NDUFB5: variants seen among roughly 807,000 people sequenced by gnomAD.
NDUFB5 encodes NADH dehydrogenase [ubiquinone] 1 beta subcomplex subunit 5, mitochondrial.
In NDUFB5, 19 loss-of-function variants were observed where a neutral mutation model predicts 19.4. That is an observed-to-expected ratio of 0.98 (90% CI 0.68 to 1.43). The LOEUF (loss-of-function observed/expected upper bound fraction) is 1.43, where lower values mean the gene tolerates loss of function less well. Among genes scored for constraint, NDUFB5 ranks in the 40% most tolerant of loss-of-function variants. The probability of loss-of-function intolerance (pLI) is 0.00; values close to 1 mark genes in which losing one functional copy is unlikely to be tolerated. For missense variants in NDUFB5, 233 were observed against 236.5 expected, an observed-to-expected ratio of 0.99 and a Z score of 0.10; for synonymous variants, 80 against 82.6, an observed-to-expected ratio of 0.97 and a Z score of 0.17.
intron 3 of NDUFB5, among the ~76,000 whole-genome samples, chr3:179,616,544 C>T (rs979470688): frequency 5.3e-5 from 8 of 151,508 alleles, no homozygotes; most frequent in African/African-American, 1.9e-4. Flanking sequence ...TCTGTCCCCC[C>T]CCCAAAAAAA....
Position 179,604,820 on chromosome 3 carries a change from C to A in NDUFB5, c.5C>A (p.Ala2Glu). The A allele has an allele frequency of 1.9e-6, 3 of 1,608,072 alleles. No homozygotes were observed. Among genetic ancestry groups the A allele is most frequent in the South Asian group, 1.1e-5 (1 of 90,430 alleles). Residue 2 changes from alanine (A) to glutamate (E), a missense_variant, in exon 1 of 6, where the codon GCG (alanine) becomes GAG (glutamate). Physicochemically the swap from Ala to Glu is moderately radical, Grantham distance 107. Transcript: ENST00000259037. M[A>E]AMSLLRRVSV... ...TTCCTCCTGCCCGTAGTAGCCATGG[C>A]GGCCATGAGTTTGTTGCGGCGGGTT...
chr3:179,616,061 C>G lies in NDUFB5; in HGVS notation c.280+12C>G. 1.2e-6 allele frequency: 2 copies of G among 1,606,960 alleles called. No individual in the cohort carries two copies. The highest frequency in any genetic ancestry group is 1.7e-6 in the Non-Finnish European group (2 of 1,176,022). ...GAATGTATTCATTGGTAAGTCACTTCCATCCCCTGCCAGCACCACCAGATT... is the reference window on the plus strand; with the variant it reads ...GAATGTATTCATTGGTAAGTCACTTGCATCCCCTGCCAGCACCACCAGATT... On this transcript the variant is annotated intron_variant, in intron 3 of 5. Coordinates refer to ENST00000259037, the MANE Select transcript of NDUFB5 (RefSeq NM_002492.4).
intron 1 of NDUFB5, chr3:179,607,672 T>G: frequency 1.5e-6 from 1 of 684,636 alleles, no homozygotes; most frequent in Non-Finnish European, 2.6e-6. Context: ...ACCATCACCA[T>G]CATCCAACTC....
chr3:179,618,427 A>T lies in NDUFB5; in HGVS notation c.355A>T (p.Arg119Ter), dbSNP rs1191659014. 1 of 1,606,128 alleles carries T rather than the reference A, an allele frequency of 6.2e-7. No individual in the cohort carries two copies. The highest frequency in any genetic ancestry group is 8.5e-7 in the Non-Finnish European group (1 of 1,176,660). ...TTTTCTCTTGTAGCATCCCATATCAAGATGGATTGCCCGTAATTTCTATGA... is the reference window on the plus strand; with the variant it reads ...TTTTCTCTTGTAGCATCCCATATCATGATGGATTGCCCGTAATTTCTATGA... ...HWEYYKHPIS[R>*]WIARNFYDSP... Residue 119 changes from arginine to a stop codon, truncating the protein, a stop_gained, in exon 5 of 6, where the codon AGA becomes TGA. Coordinates refer to ENST00000259037, the MANE Select transcript of NDUFB5 (RefSeq NM_002492.4). LOFTEE classifies it high-confidence loss of function.
In NDUFB5 at chr3:179,625,708, C is replaced by G. The variant is rs1236582361; in HGVS notation, c.*1668C>G. The G allele has an allele frequency of 1.3e-5, 2 of 152,070 alleles. No homozygotes were observed. The highest frequency in any genetic ancestry group is 2.9e-5 in the Non-Finnish European group (2 of 67,998). 9.4% of individuals were successfully genotyped at this position (152,070 alleles called of 1,614,324 possible). On this transcript the variant is annotated 3_prime_UTR_variant, in exon 6 of 6. Transcript: ENST00000259037. ...ACTTTTCTGAATTTCCTACTCTCCC[C>G]TTCCCTTCCCAGCCTTGTAACCACC... is the stretch of plus-strand genomic sequence containing the variant.
At chr3:179,608,420 C>T (rs1023562767) in intron 1 of NDUFB5, among the ~76,000 whole-genome samples, 5 of 151,850 alleles carry the variant, frequency 3.3e-5, no homozygotes, top group South Asian at 2.1e-4. Context: ...CTTGAACTCC[C>T]GGCCTCAGGT....
intron 4 of NDUFB5, among the ~76,000 whole-genome samples, chr3:179,617,825 C>T (rs1008295532): frequency 6.6e-5 from 10 of 152,136 alleles, no homozygotes; most frequent in Admixed American, 3.3e-4. Flanking sequence ...TATTTCAACC[C>T]GGGCAACTTT....
chr3:179,623,993 G>A lies in NDUFB5; in HGVS notation c.523G>A (p.Asp175Asn), dbSNP rs770960969. ...ACCCTGGTATTACTATGAGACAATT[G>A]ACAAGGAACTTATTGATCATTCTCC... ...DGPWYYYETI[D>N]KELIDHSPKA... The change falls in exon 6 of 6, where the codon GAC (aspartate) becomes AAC (asparagine). Residue 175 changes from aspartate (D) to asparagine (N), a missense_variant. By Grantham distance (23) the Asp-to-Asn change is conservative. Transcript: ENST00000259037. 2.5e-6 allele frequency: 4 copies of A among 1,613,930 alleles called. No individual in the cohort carries two copies. In the African/African-American group the frequency reaches 5.3e-5, roughly 22 times the overall value.
rs1399530866 is a variant in NDUFB5, at chr3:179,607,962, C to T, written c.124+3023C>T. The T allele has an allele frequency of 9.8e-6, 6 of 609,790 alleles. No individual in the cohort carries two copies. In the Admixed American group the frequency reaches 1.1e-4, roughly 12 times the overall value. 37.8% of individuals were successfully genotyped at this position (609,790 alleles called of 1,614,324 possible). A position where few individuals can be genotyped will look rare whatever the true frequency, so the allele number is the denominator to read the frequency against. On this transcript the variant is annotated intron_variant, in intron 1 of 5. Coordinates refer to ENST00000259037, the MANE Select transcript of NDUFB5 (RefSeq NM_002492.4). ...TATTTACCCCATTTTGCTTATCCATCATCTGTCAATTGGGTTGCATCTAGG... is the reference window on the plus strand; with the variant it reads ...TATTTACCCCATTTTGCTTATCCATTATCTGTCAATTGGGTTGCATCTAGG...
Position 179,617,096 on chromosome 3 carries a change from CTAGT to C in NDUFB5, c.342+55_342+58del, listed in dbSNP as rs572888497. ...TACTGTTACATGCCTTGTCAACGCA[CTAGT>C]TAATGTCTTAATTCAGCAATTATGA... is the stretch of plus-strand genomic sequence containing the variant. On this transcript the variant is annotated intron_variant, in intron 4 of 5. Coordinates refer to ENST00000259037, the MANE Select transcript of NDUFB5 (RefSeq NM_002492.4). 5.3e-4 allele frequency: 693 copies of C among 1,312,540 alleles called. 4 individuals carry two copies. In the South Asian group the frequency reaches 7.0e-3, roughly 13 times the overall value. The allele number at this position is 1,312,540 out of a possible 1,614,324, so 81.3% of individuals were successfully genotyped here. A position where few individuals can be genotyped will look rare whatever the true frequency, so the allele number is the denominator to read the frequency against.
At chr3:179,607,778 G>GCTGT (rs59238224) in intron 1 of NDUFB5, 66,803 of 701,896 alleles carry the variant, frequency 0.095, 3,682 homozygotes, top group South Asian at 0.17. Context: ...CCACCATTCT[G>GCTGT]CTGTCTTTAT....
At chr3:179,607,031 G>A (rs575339137) in intron 1 of NDUFB5, among the ~76,000 whole-genome samples, 1 of 152,158 alleles carries the variant, frequency 6.6e-6, no homozygotes, top group South Asian at 2.1e-4. Flanking sequence ...TACTCGCTCT[G>A]GTAGTATTCA....
At chr3:179,610,473 A>G (rs1719211967) in intron 1 of NDUFB5, among the ~76,000 whole-genome samples, 1 of 152,212 alleles carries the variant, frequency 6.6e-6, no homozygotes, top group Non-Finnish European at 1.5e-5. Flanking sequence ...CTTATCAGAT[A>G]TATGATTTAC....
chr3:179,606,193 G>C (rs138962907), intron 1 of NDUFB5, among the ~76,000 whole-genome samples: 8 of 152,142 alleles, frequency 5.3e-5, no homozygotes, highest in African/African-American at 7.2e-5. Flanking sequence ...GATATTCAGT[G>C]TACTTTATTA....
At chr3:179,622,301 C>CT in intron 5 of NDUFB5, among the ~76,000 whole-genome samples, 1 of 151,608 alleles carries the variant, frequency 6.6e-6, no homozygotes, top group Non-Finnish European at 1.5e-5. Flanking sequence ...CTGTTTTTGT[C>CT]TTTTGTTTTG....
intron 1 of NDUFB5, among the ~76,000 whole-genome samples, chr3:179,608,102 C>A (rs1165223047): frequency 6.6e-6 from 1 of 151,988 alleles, no homozygotes; most frequent in East Asian, 1.9e-4. Context: ...CCCGTGTTCT[C>A]ATATCAAACT....
chr3:179,605,320 A>G (rs1175194730), intron 1 of NDUFB5, among the ~76,000 whole-genome samples: 2 of 152,296 alleles, frequency 1.3e-5, no homozygotes, highest in Non-Finnish European at 1.5e-5. Flanking sequence ...AAGCCCACCT[A>G]TGCTAAGGAA....
chr3:179,612,527 G>C (rs1719271236), intron 1 of NDUFB5, among the ~76,000 whole-genome samples: 1 of 145,778 alleles, frequency 6.9e-6, no homozygotes, highest in Admixed American at 7.0e-5. Flanking sequence ...CCAGGTTGGA[G>C]TGCAGTGGCG....
intron 2 of NDUFB5, chr3:179,615,427 A>C (rs1032469902): frequency 3.8e-6 from 1 of 266,540 alleles, no homozygotes; most frequent in African/African-American, 2.2e-5. Flanking sequence ...TTGGGATATG[A>C]TTTTATATTT....
Sources: gnomAD v4.1 joint callset for allele counts (sites outside exome capture counted in the v4.1 genomes callset) on GRCh38, gnomAD v4.1.1 for gene constraint, MANE v1.5 for transcripts, NCBI Gene and HGNC (gene_info 2026-07-23, HGNC 2026-07-21) for gene names.